The following NXNL2 variants were observed in gnomAD, a reference collection of about 807,000 sequenced individuals.
The protein encoded by NXNL2 is nucleoredoxin like 2, also known as nucleoredoxin-like protein 2.
A neutral mutation model predicts 11.1 loss-of-function variants in NXNL2; 7 were observed. That is an observed-to-expected ratio of 0.63 (90% CI 0.36 to 1.18). The LOEUF is 1.18. NXNL2 is among the 50% of genes most tolerant of loss of function. NXNL2 has a pLI of 0.02. For missense variants in NXNL2, 233 were observed against 217.7 expected (o/e 1.07, Z -0.44); for synonymous variants, 109 against 101.8 (o/e 1.07, Z -0.42).
downstream of NXNL2, among the ~76,000 whole-genome samples, chr9:88,545,704 T>A (rs1330059875): frequency 6.6e-6 from 1 of 152,098 alleles, no homozygotes; most frequent in African/African-American, 2.4e-5. Context: ...CCCAAATAAG[T>A]CATGTAGAAA....
intron 2 of NXNL2, among the ~76,000 whole-genome samples, chr9:88,572,249 T>C (rs1830277971): frequency 6.6e-6 from 1 of 152,214 alleles, no homozygotes; most frequent in African/African-American, 2.4e-5. Context: ...GCTTTCTCTA[T>C]GCCAGCCCTT....
rs572134842 is a variant in NXNL2 at position 88,563,261 on chromosome 9, C to T, written c.303-7826C>T. ...GCTCACACATATGTGTGTACACACACACGTGTGTGCACTTGGCGACTTTCT... is the reference window on the plus strand; with the variant it reads ...GCTCACACATATGTGTGTACACACATACGTGTGTGCACTTGGCGACTTTCT... On this transcript the variant is annotated intron_variant, in intron 1 of 2. Transcript: ENST00000375855. Among the ~76,000 whole-genome samples, 5 of 152,330 alleles carry T rather than the reference C, an allele frequency of 3.3e-5. No homozygotes were observed. The East Asian group carries it at 5.8e-4, about 18-fold the overall frequency.
At chr9:88,577,657 C>T (rs1032867026), downstream of NXNL2, among the ~76,000 whole-genome samples, 10 of 150,102 alleles carry the variant, frequency 6.7e-5, no homozygotes, top group Non-Finnish European at 1.3e-4. Context: ...AGAGAGCGAG[C>T]GAGCGCAGCA....
Position 88,535,202 on chromosome 9 carries a change from C to T in NXNL2, c.-233C>T. On this transcript the variant is annotated 5_prime_UTR_variant, in exon 1 of 2. Coordinates refer to ENST00000375854, the MANE Select transcript of NXNL2 (RefSeq NM_001161625.2). ...CAGAGGCGGGTGCCGCGCTGTCGCC[C>T]AGGTATCTGGGGTCTCTGGTGTCTG... The T allele has an allele frequency of 1.9e-6, 1 of 536,146 alleles. No individual in the cohort carries two copies. 33.2% of individuals were successfully genotyped at this position (536,146 alleles called of 1,614,324 possible).
At chr9:88,542,719 G>C (rs1221933539) in intron 1 of NXNL2, among the ~76,000 whole-genome samples, 1 of 152,178 alleles carries the variant, frequency 6.6e-6, no homozygotes, top group Non-Finnish European at 1.5e-5. Flanking sequence ...TTTTGTCACT[G>C]CTTCATAGAT....
At chr9:88,544,978 C>G, downstream of NXNL2, 2 of 785,412 alleles carry the variant, frequency 2.5e-6, no homozygotes, top group Non-Finnish European at 3.1e-6. Context: ...CTTTAATAAA[C>G]AAGTCTATTG....
intron 1 of NXNL2, among the ~76,000 whole-genome samples, chr9:88,583,538 A>C (rs1016026287): frequency 1.3e-5 from 2 of 151,980 alleles, no homozygotes; most frequent in African/African-American, 4.8e-5. Context: ...CTACACAGAC[A>C]CCCCCGCTTT....
At chr9:88,568,607 C>G (rs1429582749) in intron 1 of NXNL2, among the ~76,000 whole-genome samples, 1 of 152,158 alleles carries the variant, frequency 6.6e-6, no homozygotes, top group African/African-American at 2.4e-5. Context: ...CCAAGTAGTC[C>G]GTCAATCTGT....
chr9:88,556,313 C>G (rs150396015), intron 1 of NXNL2, among the ~76,000 whole-genome samples: 1 of 152,290 alleles, frequency 6.6e-6, no homozygotes, highest in East Asian at 1.9e-4. Flanking sequence ...CAGCTCCTTT[C>G]TCACCCACTG....
At chr9:88,560,399 G>A (rs1178600619) in intron 1 of NXNL2, among the ~76,000 whole-genome samples, 1 of 151,954 alleles carries the variant, frequency 6.6e-6, no homozygotes, top group African/African-American at 2.4e-5. Context: ...CTTGTCATCG[G>A]AAAAATGGAT....
intron 1 of NXNL2, among the ~76,000 whole-genome samples, chr9:88,568,933 AT>A (rs79653837): frequency 0.068 from 10,123 of 149,154 alleles, 600 homozygotes; most frequent in African/African-American, 0.14. Context: ...CTCTTGATGA[AT>A]TTTTTTTTTT....
downstream of NXNL2, among the ~76,000 whole-genome samples, chr9:88,545,359 A>G (rs2118430788): frequency 6.6e-6 from 1 of 152,218 alleles, no homozygotes; most frequent in Non-Finnish European, 1.5e-5. Context: ...TTCCAGCCTC[A>G]TTCTTATCCA....
intron 1 of NXNL2, among the ~76,000 whole-genome samples, chr9:88,564,198 C>T (rs1830129674): frequency 1.4e-5 from 2 of 146,494 alleles, no homozygotes; most frequent in Non-Finnish European, 3.0e-5. Flanking sequence ...GGGACAAGAG[C>T]GAAACTCCAT....
chr9:88,547,932 G>T (rs544751431), downstream of NXNL2, among the ~76,000 whole-genome samples: 1 of 151,886 alleles, frequency 6.6e-6, no homozygotes, highest in South Asian at 2.1e-4. Flanking sequence ...CAGCAGAATC[G>T]CTGAACCCAG....
chr9:88,541,379 G>C (rs1829757796), intron 1 of NXNL2, among the ~76,000 whole-genome samples: 1 of 151,934 alleles, frequency 6.6e-6, no homozygotes, highest in South Asian at 2.1e-4. Flanking sequence ...TCCTGCCTCA[G>C]CCTCCCAAGT....
intron 1 of NXNL2, among the ~76,000 whole-genome samples, chr9:88,583,153 T>G (rs559028226): frequency 1.3e-5 from 2 of 152,352 alleles, no homozygotes; most frequent in African/African-American, 4.8e-5. Flanking sequence ...CCGACTGGGC[T>G]CATTCCCATG....
intron 1 of NXNL2, among the ~76,000 whole-genome samples, chr9:88,553,842 A>G (rs1158291359): frequency 6.6e-6 from 1 of 152,046 alleles, no homozygotes; most frequent in Non-Finnish European, 1.5e-5. Flanking sequence ...TTTCATTCCT[A>G]TGTTCTTTTT....
At position 88,535,359 on chromosome 9, in the gene NXNL2, G is replaced by T; in HGVS notation, c.-76G>T. ...GCGGACAGAGGCGGGGCACCGCGGCGCTCGCCGCCGCCTCCCCGCAGGTGA... is the reference window on the plus strand; with the variant it reads ...GCGGACAGAGGCGGGGCACCGCGGCTCTCGCCGCCGCCTCCCCGCAGGTGA... On this transcript the variant is annotated 5_prime_UTR_variant, in exon 1 of 2. Coordinates refer to ENST00000375854, the MANE Select transcript of NXNL2 (RefSeq NM_001161625.2). 7.1e-7 allele frequency: 1 copy of T among 1,406,768 alleles called. No individual in the cohort carries two copies. Among genetic ancestry groups the T allele is most frequent in the East Asian group, 2.5e-5 (1 of 40,264 alleles). 87.1% of individuals were successfully genotyped at this position (1,406,768 alleles called of 1,614,324 possible).
intron 1 of NXNL2, among the ~76,000 whole-genome samples, chr9:88,566,231 C>T (rs537471735): frequency 1.3e-5 from 2 of 151,560 alleles, no homozygotes; most frequent in East Asian, 3.9e-4. Context: ...GTTATCTGTG[C>T]TTTTAGTGCC....
Sources: allele counts gnomAD v4.1 joint callset (sites outside exome capture counted in the v4.1 genomes callset), GRCh38; gene constraint gnomAD v4.1.1; transcripts MANE v1.5; gene names NCBI Gene and HGNC (gene_info 2026-07-23, HGNC 2026-07-21).